Variants in STAG1 observed in about 807,000 individuals in gnomAD.
STAG1 encodes the protein cohesin subunit SA-1.
STAG1 carries 26 observed loss-of-function variants against 170.9 expected under a neutral mutation model. The ratio of observed to expected loss-of-function variants is 0.15; its 90% CI spans 0.11 to 0.21. The LOEUF (loss-of-function observed/expected upper bound fraction) is 0.21. Among genes scored for constraint, STAG1 ranks in the 10% least tolerant of loss-of-function variants. STAG1 has a pLI of 1.00. For missense variants in STAG1, 964 were observed against 1,509.5 expected, an observed-to-expected ratio of 0.64 and a Z score of 5.99; for synonymous variants, 514 against 497.7, an observed-to-expected ratio of 1.03 and a Z score of -0.44.
At chr3:136,602,432 AT>A (rs887265667) in intron 4 of STAG1, among the ~76,000 whole-genome samples, 1 of 152,012 alleles carries the variant, frequency 6.6e-6, no homozygotes, top group African/African-American at 2.4e-5. Context: ...AAATGCAATT[AT>A]CAAAATTTTA....
intron 23 of STAG1, among the ~76,000 whole-genome samples, chr3:136,376,005 T>TAAAATAAAATAAAATA (rs1553796051): frequency 9.4e-5 from 6 of 63,936 alleles, no homozygotes; most frequent in South Asian, 6.7e-4. Flanking sequence ...AATAAATAAA[T>TAAAATAAAATAAAATA]AAATAATTAA....
rs1440154510 is a variant in STAG1, at chr3:136,472,568, T to C, written c.1126-76A>G. ...GGGACAGATCTAATATAATGTATTC[T>C]GGGATATATATGCAATACTAATGAT... is the stretch of plus-strand genomic sequence containing the variant. On this transcript the variant is annotated intron_variant, in intron 11 of 33. Transcript: ENST00000383202. 6.8e-6 allele frequency: 7 copies of C among 1,034,952 alleles called. No individual in the cohort carries two copies. The African/African-American group carries it at 8.0e-5, about 12-fold the overall frequency. 64.1% of individuals were successfully genotyped at this position (1,034,952 alleles called of 1,614,324 possible). A position where few individuals can be genotyped will look rare whatever the true frequency, so the allele number is the denominator to read the frequency against.
intron 7 of STAG1, among the ~76,000 whole-genome samples, chr3:136,516,264 T>C (rs1440858031): frequency 1.3e-5 from 2 of 152,074 alleles, no homozygotes; most frequent in Non-Finnish European, 2.9e-5. Flanking sequence ...ATCCCAGCAC[T>C]TTTAGAGGCC....
intron 1 of STAG1, among the ~76,000 whole-genome samples, chr3:136,721,031 G>C (rs1933232061): frequency 6.6e-6 from 1 of 152,180 alleles, no homozygotes; most frequent in Non-Finnish European, 1.5e-5. Flanking sequence ...ATCTGGATTA[G>C]AATCCAAGTC....
At chr3:136,467,510 A>C (rs945929736) in intron 12 of STAG1, among the ~76,000 whole-genome samples, 2 of 152,174 alleles carry the variant, frequency 1.3e-5, no homozygotes, top group African/African-American at 2.4e-5. Flanking sequence ...TTCATAAAGA[A>C]AGTCCTAAAA....
At chr3:136,353,198 GA>G (rs1346843526) in intron 28 of STAG1, among the ~76,000 whole-genome samples, 4 of 152,134 alleles carry the variant, frequency 2.6e-5, no homozygotes, top group Non-Finnish European at 5.9e-5. Context: ...AAAGAAAAAT[GA>G]ACAGAGCATG....
At chr3:136,706,759 A>T (rs1943237450) in intron 1 of STAG1, among the ~76,000 whole-genome samples, 1 of 152,208 alleles carries the variant, frequency 6.6e-6, no homozygotes, top group Non-Finnish European at 1.5e-5. Flanking sequence ...CAGTCAAAAT[A>T]ATATTGAAAA....
At chr3:136,605,010 ACCTTGCCCCT>A (rs1938866635) in intron 3 of STAG1, among the ~76,000 whole-genome samples, 1 of 152,148 alleles carries the variant, frequency 6.6e-6, no homozygotes, top group African/African-American at 2.4e-5. Flanking sequence ...GAATATTTTA[ACCTTGCCCCT>A]TCTTGACATT....
chr3:136,392,954 T>C (rs569714531), intron 22 of STAG1, among the ~76,000 whole-genome samples: 6 of 152,154 alleles, frequency 3.9e-5, no homozygotes, highest in Admixed American at 3.3e-4. Context: ...TAACAAAAAA[T>C]AATAAGCATA....
intron 4 of STAG1, among the ~76,000 whole-genome samples, chr3:136,592,764 T>C (rs116976489): frequency 0.012 from 1,773 of 152,302 alleles, 28 homozygotes; most frequent in East Asian, 0.048. Context: ...AAGGACTCTT[T>C]ACACAACTGC....
intron 6 of STAG1, among the ~76,000 whole-genome samples, chr3:136,534,480 T>C (rs181705221): frequency 1.8e-3 from 275 of 152,078 alleles, no homozygotes; most frequent in Non-Finnish European, 2.9e-3. Flanking sequence ...GACAACCTCT[T>C]GAATGAGAGA....
intron 2 of STAG1, among the ~76,000 whole-genome samples, chr3:136,627,466 T>G (rs900886890): frequency 6.6e-6 from 1 of 152,190 alleles, no homozygotes; most frequent in Non-Finnish European, 1.5e-5. Context: ...TACATGAGAA[T>G]CTTCCATATA....
intron 26 of STAG1, among the ~76,000 whole-genome samples, chr3:136,363,022 G>T (rs578205973): frequency 6.6e-6 from 1 of 152,072 alleles, no homozygotes; most frequent in East Asian, 1.9e-4. Flanking sequence ...TACGCAACAT[G>T]AAAAACATTT....
At chr3:136,639,607 A>G (rs1445852230) in intron 1 of STAG1, among the ~76,000 whole-genome samples, 2 of 152,194 alleles carry the variant, frequency 1.3e-5, no homozygotes, top group African/African-American at 2.4e-5. Context: ...AACATCTACT[A>G]TTAAAGAGAT....
intron 13 of STAG1, among the ~76,000 whole-genome samples, chr3:136,463,713 C>CA (rs1215352090): frequency 1.1e-4 from 13 of 116,848 alleles, no homozygotes; most frequent in African/African-American, 5.4e-4. Flanking sequence ...CCCCATCTCT[C>CA]TAAAAAAAAA....
At chr3:136,606,240 G>T (rs147558007) in intron 3 of STAG1, among the ~76,000 whole-genome samples, 1 of 151,518 alleles carries the variant, frequency 6.6e-6, no homozygotes, top group Non-Finnish European at 1.5e-5. Flanking sequence ...CCAGGCTGGA[G>T]TGCAGTGACA....
Position 136,604,469 on chromosome 3 carries a change from G to A in STAG1, c.137C>T (p.Thr46Ile). ...TGGAGATTTTCGAGGTTTCTTATTTGTAGACTGAAAAAAAGATAAAAAAAG... is the reference window on the plus strand; with the variant it reads ...TGGAGATTTTCGAGGTTTCTTATTTATAGACTGAAAAAAAGATAAAAAAAG... ...KRGRPGRPPS[T>I]NKKPRKSPGE... The change falls in exon 4 of 34, where the codon ACA becomes ATA. Residue 46 changes from threonine (T) to isoleucine (I), a missense_variant. Coordinates refer to ENST00000383202, the MANE Select transcript of STAG1 (RefSeq NM_005862.3). The A allele has an allele frequency of 1.9e-6, 3 of 1,586,148 alleles. No homozygotes were observed. The highest frequency in any genetic ancestry group is 2.7e-5 in the African/African-American group (2 of 72,956).
At chr3:136,739,175 TG>T (rs1934515481) in intron 1 of STAG1, among the ~76,000 whole-genome samples, 1 of 152,166 alleles carries the variant, frequency 6.6e-6, no homozygotes, top group Non-Finnish European at 1.5e-5. Context: ...GTTCAAATTC[TG>T]GCTCTATCAT....
intron 3 of STAG1, among the ~76,000 whole-genome samples, chr3:136,612,220 G>A (rs757408684): frequency 2.6e-5 from 4 of 152,134 alleles, no homozygotes; most frequent in African/African-American, 4.8e-5. Context: ...TCAGATTTCA[G>A]ATTTTTCTAT....
Sources: allele counts gnomAD v4.1 joint callset (sites outside exome capture counted in the v4.1 genomes callset), GRCh38; gene constraint gnomAD v4.1.1; transcripts MANE v1.5; gene names NCBI Gene and HGNC (gene_info 2026-07-23, HGNC 2026-07-21).